Variants in DSCAM observed in about 807,000 individuals in gnomAD.
The protein encoded by DSCAM is DS cell adhesion molecule.
DSCAM carries 47 observed loss-of-function variants against 217.7 expected under a neutral mutation model. The observed-to-expected ratio is 0.22, with a 90% CI of 0.17 to 0.28. The LOEUF is 0.28. Ranked by LOEUF, DSCAM falls within the 10% of genes least tolerant of loss-of-function variation. The pLI is 1.00. For missense variants in DSCAM, 2,080 were observed against 2,618.3 expected, an observed-to-expected ratio of 0.79 and a Z score of 4.49; for synonymous variants, 1,056 against 1,015.3, an observed-to-expected ratio of 1.04 and a Z score of -0.76.
chr21:40,639,658 C>T (rs1362442736), intron 3 of DSCAM, among the ~76,000 whole-genome samples: 2 of 149,996 alleles, frequency 1.3e-5, no homozygotes, highest in African/African-American at 4.9e-5. Flanking sequence ...TATGGTTCTT[C>T]GTGATGCTTT....
chr21:40,585,853 A>G (rs991214864), intron 3 of DSCAM, among the ~76,000 whole-genome samples: 24 of 152,186 alleles, frequency 1.6e-4, no homozygotes, highest in Non-Finnish European at 2.2e-4. Flanking sequence ...CCCTGTGCTC[A>G]TTTTGTTTGT....
intron 3 of DSCAM, among the ~76,000 whole-genome samples, chr21:40,604,398 A>G (rs1373697880): frequency 6.6e-6 from 1 of 152,120 alleles, no homozygotes; most frequent in Non-Finnish European, 1.5e-5. Context: ...TCCATATCCA[A>G]TAATTCCAAA....
rs10681677 is a variant in DSCAM at position 40,583,906 on chromosome 21, TA to T, written c.508+108903del. ...ACCTACTTTAAAAAATAAAGTCTAT[TA>T]AAAAAAAAAAAAAGCCCAGATAGTA... On this transcript the variant is annotated intron_variant, in intron 3 of 32. Coordinates refer to ENST00000400454, the MANE Select transcript of DSCAM (RefSeq NM_001389.5). Among the ~76,000 whole-genome samples, 294 of 140,074 alleles carry T rather than the reference TA, an allele frequency of 2.1e-3. 1 individual carries two copies. The highest frequency in any genetic ancestry group is 3.9e-3 in the African/African-American group (149 of 38,030). 91.9% of individuals were successfully genotyped at this position (140,074 alleles called of 152,430 possible).
chr21:40,795,829 G>T (rs947988308), intron 1 of DSCAM, among the ~76,000 whole-genome samples: 11 of 152,188 alleles, frequency 7.2e-5, no homozygotes, highest in African/African-American at 2.4e-4. Flanking sequence ...AGATGCCTCA[G>T]ATGATCTGAT....
intron 3 of DSCAM, among the ~76,000 whole-genome samples, chr21:40,684,534 G>A (rs1247756029): frequency 6.6e-6 from 1 of 152,180 alleles, no homozygotes; most frequent in African/African-American, 2.4e-5. Flanking sequence ...CTCCAGCCCA[G>A]AGCAAAGGAC....
intron 32 of DSCAM, 30 bp downstream of exon 32, chr21:40,042,341 G>A (rs755200250): frequency 1.7e-5 from 28 of 1,603,578 alleles, no homozygotes; most frequent in East Asian, 2.2e-5. Flanking sequence ...TTCCCTAAGC[G>A]ACGGCCCCCA....
intron 3 of DSCAM, among the ~76,000 whole-genome samples, chr21:40,665,209 G>A (rs1169628821): frequency 3.3e-5 from 5 of 152,168 alleles, no homozygotes; most frequent in Non-Finnish European, 7.4e-5. Context: ...GCTGGGCATG[G>A]GGAGGTGGCA....
chr21:40,594,351 C>G (rs1339016076), intron 3 of DSCAM, among the ~76,000 whole-genome samples: 1 of 152,126 alleles, frequency 6.6e-6, no homozygotes, highest in Non-Finnish European at 1.5e-5. Context: ...TGTGACATAG[C>G]TTATCACAAT....
chr21:40,192,238 C>T (rs2090959381), intron 11 of DSCAM, among the ~76,000 whole-genome samples: 1 of 152,086 alleles, frequency 6.6e-6, no homozygotes, highest in African/African-American at 2.4e-5. Flanking sequence ...ACCTTCTCTC[C>T]CTGATATGGT....
At chr21:40,637,655 A>ATATATATAAATATATATC (rs2089823006) in intron 3 of DSCAM, among the ~76,000 whole-genome samples, 1 of 122,490 alleles carries the variant, frequency 8.2e-6, no homozygotes, top group African/African-American at 3.1e-5. Context: ...ATATATCTAT[A>ATATATATAAATATATATC]TATATATATA....
chr21:40,322,625 A>G (rs904819502), intron 8 of DSCAM, among the ~76,000 whole-genome samples: 3 of 151,904 alleles, frequency 2.0e-5, no homozygotes, highest in Non-Finnish European at 4.4e-5. Context: ...CCCAGGTTCA[A>G]TCAATTCTCC....
intron 26 of DSCAM, among the ~76,000 whole-genome samples, chr21:40,075,633 C>T (rs558808794): frequency 3.3e-5 from 5 of 152,250 alleles, no homozygotes; most frequent in South Asian, 2.1e-4. Flanking sequence ...GACAGAAGCG[C>T]GTGTGCAGGG....
chr21:40,631,188 C>T (rs2089686766), intron 3 of DSCAM, among the ~76,000 whole-genome samples: 1 of 152,164 alleles, frequency 6.6e-6, no homozygotes, highest in Admixed American at 6.5e-5. Context: ...CAGTGGCTCC[C>T]CTCCTCTGCT....
At chr21:40,660,807 A>C (rs905572517) in intron 3 of DSCAM, among the ~76,000 whole-genome samples, 6 of 152,216 alleles carry the variant, frequency 3.9e-5, no homozygotes, top group Non-Finnish European at 5.9e-5. Context: ...ATAAGACAAC[A>C]ACCTGTGGTC....
intron 11 of DSCAM, among the ~76,000 whole-genome samples, chr21:40,228,201 G>T (rs1569011429): frequency 6.6e-6 from 1 of 152,066 alleles, no homozygotes; most frequent in Non-Finnish European, 1.5e-5. Context: ...GTTGACCTTG[G>T]CCACCTGGCT....
intron 1 of DSCAM, among the ~76,000 whole-genome samples, chr21:40,732,294 G>A (rs1022631462): frequency 2.6e-5 from 4 of 152,196 alleles, no homozygotes; most frequent in African/African-American, 9.7e-5. Flanking sequence ...AGAGGCAGAT[G>A]CCACCACCAT....
chr21:40,205,412 G>C (rs544543701), intron 11 of DSCAM, among the ~76,000 whole-genome samples: 51 of 152,152 alleles, frequency 3.4e-4, no homozygotes, highest in Admixed American at 2.6e-4. Flanking sequence ...AGACCAGACC[G>C]GCCAACATGG....
In DSCAM at chr21:40,846,642, G is replaced by C; in HGVS notation, c.20C>G (p.Ser7Cys). The C allele has an allele frequency of 7.6e-7, 1 of 1,314,308 alleles. No homozygotes were observed. The highest frequency in any genetic ancestry group is 9.7e-7 in the Non-Finnish European group (1 of 1,028,822). 81.4% of individuals were successfully genotyped at this position (1,314,308 alleles called of 1,614,324 possible). A position where few individuals can be genotyped will look rare whatever the true frequency, so the allele number is the denominator to read the frequency against. The change falls in exon 1 of 33, where the codon TCC (serine) becomes TGC (cysteine). Residue 7 changes from serine to cysteine, a missense_variant. Coordinates refer to ENST00000400454, the MANE Select transcript of DSCAM (RefSeq NM_001389.5). Reference protein sequence around the residue: MWILALSLFQSFANVFS... With the variant: MWILALCLFQSFANVFS... ...ACCATTCGCGAAGCTCTGGAACAAG[G>C]AGAGAGCCAGTATCCACATGCCCCT...
intron 9 of DSCAM, among the ~76,000 whole-genome samples, chr21:40,308,301 C>T (rs1336933173): frequency 1.3e-5 from 2 of 152,082 alleles, no homozygotes; most frequent in African/African-American, 4.8e-5. Flanking sequence ...TTCTTAGGCT[C>T]TTTTAGGGCT....
Sources: gnomAD v4.1 joint callset for allele counts (sites outside exome capture counted in the v4.1 genomes callset) on GRCh38, gnomAD v4.1.1 for gene constraint, MANE v1.5 for transcripts, NCBI Gene and HGNC (gene_info 2026-07-23, HGNC 2026-07-21) for gene names.